The following LCMT1 variants were observed in gnomAD, a reference collection of about 807,000 sequenced individuals.
LCMT1 encodes the protein leucine carboxyl methyltransferase 1, also known as [Phosphatase 2A protein]-leucine-carboxy methyltransferase 1.
A neutral mutation model predicts 47.7 loss-of-function variants in LCMT1; 32 were observed. That is an observed-to-expected ratio of 0.67 (90% CI 0.51 to 0.90). The LOEUF is 0.90. Among genes scored for constraint, LCMT1 ranks in the 40% least tolerant of loss-of-function variants. The pLI, the probability that LCMT1 is intolerant of heterozygous loss-of-function variation, is 0.00. For synonymous variants in LCMT1, 152 were observed against 149.7 expected (o/e 1.02, Z -0.11); for missense variants, 375 against 415.2 (o/e 0.90, Z 0.84).
intron 5 of LCMT1, chr16:25,159,006 A>G (rs972135882): frequency 2.6e-5 from 4 of 152,060 alleles, no homozygotes; most frequent in Non-Finnish European, 5.9e-5. Flanking sequence ...TACCTTGTGT[A>G]CAACTTACAA....
chr16:25,162,894 A>C (rs1387315486), intron 6 of LCMT1, among the ~76,000 whole-genome samples: 2 of 152,150 alleles, frequency 1.3e-5, no homozygotes, highest in African/African-American at 4.8e-5. Context: ...GTTTGGAGAC[A>C]AGGTCTTACT....
chr16:25,153,004 A>G (rs1470229217), intron 5 of LCMT1, among the ~76,000 whole-genome samples: 1 of 152,144 alleles, frequency 6.6e-6, no homozygotes, highest in Admixed American at 6.6e-5. Flanking sequence ...AGCCTTCACC[A>G]GTAGTCAGCA....
At chr16:25,119,343 T>C (rs372599530) in intron 1 of LCMT1, among the ~76,000 whole-genome samples, 2 of 152,002 alleles carry the variant, frequency 1.3e-5, no homozygotes, top group East Asian at 3.9e-4. Context: ...GGCCCAGTTG[T>C]AATTTAGAAA....
Position 25,147,960 on chromosome 16 carries a change from A to G in LCMT1, c.405-3594A>G, listed in dbSNP as rs566738132. On this transcript the variant is annotated intron_variant, in intron 4 of 10. Coordinates refer to ENST00000399069, the MANE Select transcript of LCMT1 (RefSeq NM_016309.3). ...TGGATTCCTTCCATTTAGAAATGAT[A>G]CATCCCAGGTGTGAGTCTTGGAAGA... is the stretch of plus-strand genomic sequence containing the variant. 3.9e-5 allele frequency: 6 copies of G among 152,324 alleles called. No homozygotes were observed. In the East Asian group the frequency reaches 1.2e-3, roughly 29 times the overall value. 9.4% of individuals were successfully genotyped at this position (152,324 alleles called of 1,614,324 possible).
At chr16:25,115,085 G>GT (rs893297046) in intron 1 of LCMT1, among the ~76,000 whole-genome samples, 35 of 152,142 alleles carry the variant, frequency 2.3e-4, no homozygotes, top group African/African-American at 8.4e-4. Context: ...CATTCCCACC[G>GT]TGACACCCTG....
chr16:25,152,588 T>A (rs1961116140), intron 5 of LCMT1, among the ~76,000 whole-genome samples: 1 of 152,142 alleles, frequency 6.6e-6, no homozygotes, highest in Non-Finnish European at 1.5e-5. Context: ...AAAATAGACT[T>A]CTCATGAAAA....
intron 5 of LCMT1, among the ~76,000 whole-genome samples, chr16:25,154,908 T>G (rs958994100): frequency 6.6e-6 from 1 of 152,102 alleles, no homozygotes; most frequent in South Asian, 2.1e-4. Flanking sequence ...TTCTTTATAG[T>G]TTTTGATTGT....
At chr16:25,175,889 T>C (rs1051638888) in intron 10 of LCMT1, among the ~76,000 whole-genome samples, 2 of 152,168 alleles carry the variant, frequency 1.3e-5, no homozygotes, top group African/African-American at 4.8e-5. Flanking sequence ...TGTTTAAGCC[T>C]TGTAGCCCAA....
At position 25,128,467 on chromosome 16, in the gene LCMT1, C is replaced by A; in HGVS notation, c.114-8C>A. The A allele has an allele frequency of 1.3e-6, 2 of 1,598,720 alleles. No homozygotes were observed. The highest frequency in any genetic ancestry group is 1.7e-6 in the Non-Finnish European group (2 of 1,171,294). On this transcript the variant is annotated splice_polypyrimidine_tract_variant and splice_region_variant and intron_variant, in intron 1 of 10. Transcript: ENST00000399069. ...CTACTCACCTTCCTCCTTTTTTCTC[C>A]CTTCCAGGTTTGCAGTAAGCATTGG...
intron 10 of LCMT1, 48 bp from the exon 11 acceptor site, chr16:25,177,953 C>T (rs1962000074): frequency 6.3e-7 from 1 of 1,595,406 alleles, no homozygotes; most frequent in Non-Finnish European, 8.6e-7. Context: ...GGCCTCTGCT[C>T]CTGGCCACCA....
intron 4 of LCMT1, chr16:25,142,454 A>G (rs988732051): frequency 7.2e-5 from 11 of 152,206 alleles, no homozygotes; most frequent in Non-Finnish European, 1.3e-4. Flanking sequence ...TTAGGTTTCC[A>G]TACCTCTTTT....
chr16:25,125,776 G>A (rs1597564612), intron 1 of LCMT1, among the ~76,000 whole-genome samples: 1 of 151,502 alleles, frequency 6.6e-6, no homozygotes, highest in Admixed American at 6.6e-5. Flanking sequence ...GGGTTGCAGT[G>A]AGCCGAGATC....
chr16:25,142,271 T>G (rs1163605971), intron 4 of LCMT1: 1 of 152,240 alleles, frequency 6.6e-6, no homozygotes, highest in African/African-American at 2.4e-5. Flanking sequence ...CAAGTTTGAT[T>G]AGGGTTTTTC....
chr16:25,132,666 C>G (rs1567312766), intron 3 of LCMT1, 143 bp downstream of exon 3: 8 of 773,232 alleles, frequency 1.0e-5, no homozygotes, highest in South Asian at 3.9e-5. Context: ...CTAGATGCCC[C>G]TACGACTCTC....
At chr16:25,113,970 G>A (rs1309662765) in intron 1 of LCMT1, among the ~76,000 whole-genome samples, 1 of 152,190 alleles carries the variant, frequency 6.6e-6, no homozygotes, top group Non-Finnish European at 1.5e-5. Flanking sequence ...GATAATAAAG[G>A]TAACCTTTAT....
intron 1 of LCMT1, among the ~76,000 whole-genome samples, chr16:25,115,447 G>A (rs1403114053): frequency 6.6e-6 from 1 of 152,154 alleles, no homozygotes; most frequent in Non-Finnish European, 1.5e-5. Context: ...GTGCCGCTAC[G>A]ATCATGTCAG....
rs763748640 is a variant in LCMT1 at position 25,162,288 on chromosome 16, C to T, written c.569+1084C>T. Among the ~76,000 whole-genome samples, 6 of 152,086 alleles carry T rather than the reference C, an allele frequency of 3.9e-5. No homozygotes were observed. The East Asian group carries it at 5.8e-4, about 15-fold the overall frequency. ...CACTTCTCTGCATCTGTTTCCTCTTCGGAAAAATGTGAGTTATAGGCTGGG... is the reference window on the plus strand; with the variant it reads ...CACTTCTCTGCATCTGTTTCCTCTTTGGAAAAATGTGAGTTATAGGCTGGG... On this transcript the variant is annotated intron_variant, in intron 6 of 10. Transcript: ENST00000399069.
intron 7 of LCMT1, among the ~76,000 whole-genome samples, chr16:25,166,269 C>CAAAAA (rs371727353): frequency 1.0e-5 from 1 of 96,346 alleles, no homozygotes; most frequent in African/African-American, 4.2e-5. Context: ...GACGCCATCT[C>CAAAAA]AAAAAAAAAA....
chr16:25,167,530 T>G (rs1253540530), intron 7 of LCMT1, among the ~76,000 whole-genome samples: 2 of 152,028 alleles, frequency 1.3e-5, no homozygotes, highest in African/African-American at 4.8e-5. Context: ...CAGGCTGGTC[T>G]CAAACTCCTG....
Sources: gnomAD v4.1 joint callset for allele counts (sites outside exome capture counted in the v4.1 genomes callset) on GRCh38, gnomAD v4.1.1 for gene constraint, MANE v1.5 for transcripts, NCBI Gene and HGNC (gene_info 2026-07-23, HGNC 2026-07-21) for gene names.